The following MRRF variants were observed in gnomAD, a reference collection of about 807,000 sequenced individuals.
MRRF encodes mitochondrial ribosome recycling factor.
A neutral mutation model predicts 25.1 loss-of-function variants in MRRF; 18 were observed. The ratio of observed to expected loss-of-function variants is 0.72; its 90% CI spans 0.50 to 1.06. MRRF has a LOEUF of 1.06. Among genes scored for constraint, MRRF ranks in the 50% least tolerant of loss-of-function variants. The probability of loss-of-function intolerance (pLI) is 0.00; values close to 1 mark genes in which losing one functional copy is unlikely to be tolerated. For synonymous variants in MRRF, 113 were observed against 112.1 expected (o/e 1.01, Z -0.05); for missense variants, 323 against 319.3 (o/e 1.01, Z -0.09).
At chr9:122,300,647 T>C in intron 5 of MRRF, among the ~76,000 whole-genome samples, 1 of 152,240 alleles carries the variant, frequency 6.6e-6, no homozygotes, top group East Asian at 1.9e-4. Context: ...GATTTCTCTT[T>C]TAATCCTTAA....
intron 1 of MRRF, among the ~76,000 whole-genome samples, chr9:122,268,454 G>A (rs1832254876): frequency 6.6e-6 from 1 of 152,206 alleles, no homozygotes; most frequent in Admixed American, 6.5e-5. Context: ...TTATAAGTAT[G>A]AGTTAGGCAT....
Position 122,319,874 on chromosome 9 carries a change from ATT to A in MRRF, c.712-2645_712-2644del, listed in dbSNP as rs975991164. Among the ~76,000 whole-genome samples, 643 of 129,918 alleles carry A rather than the reference ATT, an allele frequency of 4.9e-3. 1 individual carries two copies. Among genetic ancestry groups the A allele is most frequent in the African/African-American group, 0.018 (609 of 33,412 alleles). The allele number at this position is 129,918 out of a possible 152,430, so 85.2% of individuals were successfully genotyped here. A position where few individuals can be genotyped will look rare whatever the true frequency, so the allele number is the denominator to read the frequency against. On this transcript the variant is annotated intron_variant, in intron 6 of 6. Coordinates refer to ENST00000344641, the MANE Select transcript of MRRF (RefSeq NM_138777.5). Reference sequence around the variant, plus strand: ...AAAATGTTAGTAAATATTTTCATTAATTTTTTTTTTTTTTTTTTTTTTGAGAG... The same window carrying A: ...AAAATGTTAGTAAATATTTTCATTAATTTTTTTTTTTTTTTTTTTTGAGAG...
intron 5 of MRRF, among the ~76,000 whole-genome samples, chr9:122,306,703 A>C (rs562885589): frequency 3.3e-4 from 50 of 152,330 alleles, no homozygotes; most frequent in African/African-American, 1.2e-3. Flanking sequence ...AGCTGAGGCA[A>C]GAGTTATGTC....
chr9:122,310,074 G>A (rs1337267864), intron 5 of MRRF, among the ~76,000 whole-genome samples: 1 of 152,212 alleles, frequency 6.6e-6, no homozygotes, highest in Non-Finnish European at 1.5e-5. Flanking sequence ...TGCTTCCCAT[G>A]TATTACCTCA....
chr9:122,313,698 G>A (rs760058174), intron 6 of MRRF, among the ~76,000 whole-genome samples: 3 of 152,160 alleles, frequency 2.0e-5, no homozygotes, highest in Non-Finnish European at 2.9e-5. Flanking sequence ...TAACTTGCCC[G>A]AAATCACACT....
chr9:122,286,606 A>G (rs1257891143), intron 4 of MRRF, among the ~76,000 whole-genome samples: 1 of 152,198 alleles, frequency 6.6e-6, no homozygotes, highest in Non-Finnish European at 1.5e-5. Flanking sequence ...CTAGCTACTC[A>G]GGAAACTGCA....
At chr9:122,296,082 T>TATC (rs1169979979) in intron 5 of MRRF, among the ~76,000 whole-genome samples, 1 of 152,042 alleles carries the variant, frequency 6.6e-6, no homozygotes, top group African/African-American at 2.4e-5. Flanking sequence ...GAGTGGTCCT[T>TATC]ATCATCAAGA....
rs1836144480 is a variant in MRRF at position 122,326,411 on chromosome 9, A to G, written c.*3794A>G. 1.3e-5 allele frequency: 2 copies of G among 152,038 alleles called. No homozygotes were observed. Among genetic ancestry groups the G allele is most frequent in the Admixed American group, 1.3e-4 (2 of 15,248 alleles). 9.4% of individuals were successfully genotyped at this position (152,038 alleles called of 1,614,324 possible). ...CAGGCATGAACCACTGCGCCCGGCC[A>G]TATAATTTTTTAGAAGGAGAGAGGG... On this transcript the variant is annotated 3_prime_UTR_variant, in exon 7 of 7. Transcript: ENST00000344641.
chr9:122,274,187 A>C (rs1832634481), intron 2 of MRRF, among the ~76,000 whole-genome samples: 1 of 152,212 alleles, frequency 6.6e-6, no homozygotes, highest in Non-Finnish European at 1.5e-5. Flanking sequence ...CACTTCTTAT[A>C]TGTTAACCTT....
chr9:122,294,329 G>A (rs753981289), intron 5 of MRRF, among the ~76,000 whole-genome samples: 5 of 152,150 alleles, frequency 3.3e-5, no homozygotes, highest in South Asian at 2.1e-4. Context: ...CTGCAGCCCC[G>A]CAAGAGTAAA....
chr9:122,302,704 A>C (rs1834551214), intron 5 of MRRF, among the ~76,000 whole-genome samples: 1 of 152,140 alleles, frequency 6.6e-6, no homozygotes, highest in African/African-American at 2.4e-5. Context: ...CATGCTTTTA[A>C]TTCTCTTGGA....
At chr9:122,272,859 G>C (rs1247280543) in intron 2 of MRRF, among the ~76,000 whole-genome samples, 3 of 152,006 alleles carry the variant, frequency 2.0e-5, no homozygotes, top group African/African-American at 7.2e-5. Flanking sequence ...TTTCCAGATG[G>C]ATAAGAAGTT....
At chr9:122,285,040 T>C (rs1833300607) in intron 3 of MRRF, 129 bp from the exon 4 acceptor site, 1 of 710,502 alleles carries the variant, frequency 1.4e-6, no homozygotes, top group Admixed American at 2.0e-5. Flanking sequence ...TTCCTCCCAC[T>C]TCACTCCCAA....
At chr9:122,270,146 C>G (rs529491954) in intron 1 of MRRF, among the ~76,000 whole-genome samples, 1 of 152,278 alleles carries the variant, frequency 6.6e-6, no homozygotes, top group South Asian at 2.1e-4. Context: ...ACATTACTGG[C>G]AGAAGCTATC....
At chr9:122,289,764 G>A (rs766815678) in intron 4 of MRRF, among the ~76,000 whole-genome samples, 4 of 151,992 alleles carry the variant, frequency 2.6e-5, no homozygotes, top group Non-Finnish European at 4.4e-5. Flanking sequence ...GGTGGCTCAT[G>A]CTTATAAAAT....
chr9:122,313,812 C>G (rs1835351390), intron 6 of MRRF, among the ~76,000 whole-genome samples: 1 of 152,130 alleles, frequency 6.6e-6, no homozygotes. Flanking sequence ...GAATTGAGCA[C>G]TTAGTGTTCT....
At chr9:122,268,659 A>G (rs1169072019) in intron 1 of MRRF, among the ~76,000 whole-genome samples, 1 of 152,248 alleles carries the variant, frequency 6.6e-6, no homozygotes, top group African/African-American at 2.4e-5. Context: ...AGAGAATTAA[A>G]TGAAATAGTA....
chr9:122,275,056 A>G (rs1017420236), intron 2 of MRRF, among the ~76,000 whole-genome samples: 1 of 149,778 alleles, frequency 6.7e-6, no homozygotes, highest in Non-Finnish European at 1.5e-5. Context: ...GGTTACATAC[A>G]TGCAAATTAA....
At position 122,303,181 on chromosome 9, in the gene MRRF, C is replaced by T. The variant is rs549862465; in HGVS notation, c.552-10046C>T. Among the ~76,000 whole-genome samples, 60 of 151,842 alleles carry T rather than the reference C, an allele frequency of 4.0e-4. 1 individual carries two copies. In the South Asian group the frequency reaches 5.2e-3, roughly 13 times the overall value. On this transcript the variant is annotated intron_variant, in intron 5 of 6. Transcript: ENST00000344641. Reference sequence around the variant, plus strand: ...AAATTCAGATCCTACAGAAGTATAACGAAAAGTTCATTTATTGTTCCCCAG... The same window carrying T: ...AAATTCAGATCCTACAGAAGTATAATGAAAAGTTCATTTATTGTTCCCCAG...
Sources: allele counts gnomAD v4.1 joint callset (sites outside exome capture counted in the v4.1 genomes callset), GRCh38; gene constraint gnomAD v4.1.1; transcripts MANE v1.5; gene names NCBI Gene and HGNC (gene_info 2026-07-23, HGNC 2026-07-21).